Variants in CMYA5 observed in about 807,000 individuals in gnomAD.
CMYA5 encodes the protein cardiomyopathy associated 5, also known as cardiomyopathy-associated protein 5.
Under a neutral mutation model 318.9 loss-of-function variants are expected in CMYA5, and 246 were observed. The observed-to-expected ratio is 0.77, with a 90% confidence interval of 0.70 to 0.86. CMYA5 has a LOEUF of 0.86. Ranked by LOEUF, CMYA5 falls within the 40% of genes least tolerant of loss-of-function variation. The pLI, the probability that CMYA5 is intolerant of heterozygous loss-of-function variation, is 0.00. For missense variants in CMYA5, 4,589 were observed against 4,678.2 expected, an observed-to-expected ratio of 0.98 and a Z score of 0.56; for synonymous variants, 1,641 against 1,729.5, an observed-to-expected ratio of 0.95 and a Z score of 1.27.
chr5:79,784,861 C>G (rs1829053677), intron 9 of CMYA5, among the ~76,000 whole-genome samples: 2 of 151,648 alleles, frequency 1.3e-5, no homozygotes, highest in East Asian at 3.9e-4. Context: ...GATGGAAATG[C>G]AGAAATCACC....
chr5:79,733,509 C>G lies in CMYA5; in HGVS notation c.4744C>G (p.Pro1582Ala). 6.2e-7 allele frequency: 1 copy of G among 1,613,912 alleles called. No individual in the cohort carries two copies. The highest frequency in any genetic ancestry group is 8.5e-7 in the Non-Finnish European group (1 of 1,179,846). The change falls in exon 2 of 13, where the codon CCA (proline) becomes GCA (alanine). Residue 1582 changes from proline to alanine, a missense_variant. Pro to Ala is a conservative substitution (Grantham distance 27). Coordinates refer to ENST00000446378, the MANE Select transcript of CMYA5 (RefSeq NM_153610.5). The part of the protein sequence containing the change: ...ELENLASGLA[P>A]TLLLLSDDKN... ...GGAAAATTTAGCATCAGGTTTAGCC[C>G]CAACATTACTGCTCCTCAGTGATGA...
At position 79,710,213 on chromosome 5, in the gene CMYA5, TTTTG is replaced by T. The variant is rs532183675; in HGVS notation, c.150-18696_150-18693del. Among the ~76,000 whole-genome samples, 4 of 152,182 alleles carry T rather than the reference TTTTG, an allele frequency of 2.6e-5. No individual in the cohort carries two copies. In the East Asian group the frequency reaches 7.7e-4, roughly 29 times the overall value. ...TAATGTCATTCTTCTCACTAAATGTTTTTGTTTGTGTGTTTTGGAAAATAACTTT... is the reference window on the plus strand; with the variant it reads ...TAATGTCATTCTTCTCACTAAATGTTTTTGTGTGTTTTGGAAAATAACTTT... On this transcript the variant is annotated intron_variant, in intron 1 of 12. Transcript: ENST00000446378.
Position 79,733,523 on chromosome 5 carries a change from C to T in CMYA5, c.4758C>T (p.Leu1586=), listed in dbSNP as rs1323919479. The change falls in exon 2 of 13, where the codon CTC becomes CTT. Residue 1586 remains leucine (L), a synonymous_variant. Transcript: ENST00000446378. ...LASGLAPTLL[L]LSDDKNKPAV... ...CAGGTTTAGCCCCAACATTACTGCT[C>T]CTCAGTGATGATAAGAACAAACCGG... 1.9e-6 allele frequency: 3 copies of T among 1,613,802 alleles called. No individual in the cohort carries two copies. Among genetic ancestry groups the T allele is most frequent in the Non-Finnish European group, 2.5e-6 (3 of 1,179,844 alleles).
intron 5 of CMYA5, among the ~76,000 whole-genome samples, chr5:79,750,592 T>C (rs1428226): frequency 0.11 from 17,102 of 152,020 alleles, 997 homozygotes; most frequent in Middle Eastern, 0.12. Flanking sequence ...GCAGTGCTTG[T>C]ATATTAAATG....
intron 6 of CMYA5, among the ~76,000 whole-genome samples, chr5:79,758,451 G>GA (rs1828574039): frequency 6.6e-6 from 1 of 151,848 alleles, no homozygotes; most frequent in African/African-American, 2.4e-5. Context: ...AGAATCGCTT[G>GA]AATCTGGGAG....
At position 79,736,756 on chromosome 5, in the gene CMYA5, G is replaced by C. The variant is rs1249069456; in HGVS notation, c.7991G>C (p.Arg2664Thr). The change falls in exon 2 of 13, where the codon AGA (arginine) becomes ACA (threonine). Residue 2664 changes from arginine to threonine, a missense_variant. Physicochemically the swap from Arg to Thr is moderately conservative, Grantham distance 71 (BLOSUM62 -1). This residue lies in a region of CMYA5 where 2,431 missense variants were observed against 2,495.1 expected (regional missense o/e 0.97). Coordinates refer to ENST00000446378, the MANE Select transcript of CMYA5 (RefSeq NM_153610.5). ...AATCTAGTATTAGAAAAGTCAAGCAGAGATATGCCAGATCACAGTGAAGAA... is the reference window on the plus strand; with the variant it reads ...AATCTAGTATTAGAAAAGTCAAGCACAGATATGCCAGATCACAGTGAAGAA... ...EGNLVLEKSSRDMPDHSEEKE... is the reference protein window; with the variant it reads ...EGNLVLEKSSTDMPDHSEEKE... 9.3e-6 allele frequency: 15 copies of C among 1,613,158 alleles called. No homozygotes were observed. Among genetic ancestry groups the C allele is most frequent in the African/African-American group, 2.7e-5 (2 of 74,682 alleles).
At chr5:79,763,471 G>T in intron 9 of CMYA5, 2 of 403,816 alleles carry the variant, frequency 5.0e-6, no homozygotes, top group South Asian at 8.4e-5. Context: ...CATTCTTTGA[G>T]GTATATTTAA....
chr5:79,709,974 AAAAAAAAAAAAAAAG>A (rs1351677963), intron 1 of CMYA5, among the ~76,000 whole-genome samples: 1 of 149,226 alleles, frequency 6.7e-6, no homozygotes, highest in Admixed American at 6.7e-5. Flanking sequence ...AAAAAAAAAA[AAAAAAAAAAAAAAAG>A]AAAGAAAGAA....
chr5:79,752,679 G>A lies in CMYA5; in HGVS notation c.10995G>A (p.Leu3665=), dbSNP rs1206150083. The A allele has an allele frequency of 1.9e-6, 3 of 1,609,094 alleles. No homozygotes were observed. The highest frequency in any genetic ancestry group is 1.3e-5 in the African/African-American group (1 of 74,716). The change falls in exon 6 of 13, where the codon TTG becomes TTA. Residue 3665 remains leucine, a synonymous_variant. Transcript: ENST00000446378. ...GTAGAGCTCTATTCCCCGATAGGTT[G>A]CTTTCTGCAATGGAGAGCACTGCTT... ...LTSFEEINER[L]LSAMESTASL...
At position 79,763,181 on chromosome 5, in the gene CMYA5, C is replaced by T; in HGVS notation, c.11527C>T (p.Gln3843Ter). The T allele has an allele frequency of 6.2e-7, 1 of 1,610,226 alleles. No individual in the cohort carries two copies. The highest frequency in any genetic ancestry group is 1.1e-5 in the South Asian group (1 of 90,170). The stretch of plus-strand genomic sequence containing the variant: ...GACCTACACTCTGGAGTACTGCAGA[C>T]AGCACTCTCCTGAGGGAGAGGGCCT... Reference protein sequence around the residue: ...TETYTLEYCRQHSPEGEGLRS... With the variant: ...TETYTLEYCR The change falls in exon 9 of 13, where the codon CAG becomes TAG. Residue 3843 changes from glutamine (Q) to a stop codon, truncating the protein, a stop_gained. Transcript: ENST00000446378. LOFTEE classifies it high-confidence loss of function.
Position 79,689,928 on chromosome 5 carries a change from C to G in CMYA5, c.21C>G (p.Asn7Lys). The G allele has an allele frequency of 1.1e-6, 1 of 946,600 alleles. No homozygotes were observed. Among genetic ancestry groups the G allele is most frequent in the African/African-American group, 1.7e-5 (1 of 59,900 alleles). 58.6% of individuals were successfully genotyped at this position (946,600 alleles called of 1,614,324 possible). Residue 7 changes from asparagine (N) to lysine (K), a missense_variant, in exon 1 of 13, where the codon AAC becomes AAG. Transcript: ENST00000446378. ...AGGCGATGGCGAGCCGCGATAGCAA[C>G]CACGCTGGCGAGAGCTTTCTCGGCT... MASRDSNHAGESFLGSD... is the reference protein window; with the variant it reads MASRDSKHAGESFLGSD...
chr5:79,716,668 G>A (rs991894468), intron 1 of CMYA5, among the ~76,000 whole-genome samples: 4 of 152,170 alleles, frequency 2.6e-5, no homozygotes, highest in African/African-American at 9.6e-5. Context: ...CTACACTCTT[G>A]TATAGATGAC....
chr5:79,726,170 T>G (rs1339485371), intron 1 of CMYA5, among the ~76,000 whole-genome samples: 1 of 152,212 alleles, frequency 6.6e-6, no homozygotes, highest in African/African-American at 2.4e-5. Flanking sequence ...TCAGCACTCA[T>G]GAACTCATTC....
chr5:79,717,927 C>T (rs1279816670), intron 1 of CMYA5, among the ~76,000 whole-genome samples: 2 of 40,598 alleles, frequency 4.9e-5, no homozygotes, highest in Non-Finnish European at 7.9e-5. Flanking sequence ...CTCGCTCTGT[C>T]GCCCAGGCTG....
chr5:79,741,706 G>T (rs961568117), intron 2 of CMYA5, among the ~76,000 whole-genome samples: 1 of 152,124 alleles, frequency 6.6e-6, no homozygotes, highest in East Asian at 1.9e-4. Context: ...ACTGCCAGCA[G>T]AAAGAAGACT....
At chr5:79,752,865 G>A in intron 6 of CMYA5, 71 bp downstream of exon 6, 3 of 1,040,474 alleles carry the variant, frequency 2.9e-6, no homozygotes, top group Non-Finnish European at 4.4e-6. Flanking sequence ...TGTATGTAAT[G>A]ATATATACAA....
At chr5:79,739,875 T>TG (rs1215224770) in intron 2 of CMYA5, among the ~76,000 whole-genome samples, 1 of 151,812 alleles carries the variant, frequency 6.6e-6, no homozygotes, top group Non-Finnish European at 1.5e-5. Flanking sequence ...TTAAGTTACT[T>TG]GGGGGGCTGA....
At chr5:79,774,295 G>C (rs1828902233) in intron 9 of CMYA5, 1 of 152,236 alleles carries the variant, frequency 6.6e-6, no homozygotes, top group Non-Finnish European at 1.5e-5. Context: ...GGGTAGGCGG[G>C]AGTGACAATC....
intron 1 of CMYA5, among the ~76,000 whole-genome samples, chr5:79,709,054 G>T (rs936072618): frequency 1.3e-5 from 2 of 152,100 alleles, no homozygotes; most frequent in Non-Finnish European, 2.9e-5. Flanking sequence ...AGAAAGTGAG[G>T]TAAGAGCCGG....
Sources: gnomAD v4.1 joint callset for allele counts (sites outside exome capture counted in the v4.1 genomes callset) on GRCh38, gnomAD v4.1.1 for gene constraint, gnomAD v4.1.1 regional missense constraint, MANE v1.5 for transcripts, NCBI Gene and HGNC (gene_info 2026-07-23, HGNC 2026-07-21) for gene names.